Variants in MTOR observed in about 807,000 individuals in gnomAD.
MTOR encodes serine/threonine-protein kinase mTOR.
A neutral mutation model predicts 319.8 loss-of-function variants in MTOR; 70 were observed. The observed-to-expected ratio is 0.22, with a 90% CI of 0.18 to 0.27. The LOEUF (loss-of-function observed/expected upper bound fraction) is 0.27. MTOR is among the 10% of genes least tolerant of loss of function. MTOR has a pLI of 1.00. For missense variants in MTOR, 1,890 were observed against 3,274.4 expected, an observed-to-expected ratio of 0.58 and a Z score of 10.32; for synonymous variants, 1,183 against 1,211.4, an observed-to-expected ratio of 0.98 and a Z score of 0.49.
rs1001716494 is a variant in MTOR, at chr1:11,115,747, G to A, written c.7017-279C>T. 2.7e-6 allele frequency: 1 copy of A among 370,302 alleles called. No homozygotes were observed. The highest frequency in any genetic ancestry group is 5.0e-6 in the Non-Finnish European group (1 of 198,398). 22.9% of individuals were successfully genotyped at this position (370,302 alleles called of 1,614,324 possible). On this transcript the variant is annotated intron_variant, in intron 50 of 57. Transcript: ENST00000361445. This position sits in a 1 kb window ranked among gnomAD's most constrained non-coding sequence, Gnocchi z 4.5. Reference sequence around the variant, plus strand: ...AAAGCCTAAAACGACCTATTAACTGGTCCTTTACAGAAACAGTTTGCCAAC... The same window carrying A: ...AAAGCCTAAAACGACCTATTAACTGATCCTTTACAGAAACAGTTTGCCAAC...
rs1650369741 is a variant in MTOR, at chr1:11,256,181, G to A, written c.516C>T (p.Leu172=). 1.2e-6 allele frequency: 2 copies of A among 1,613,816 alleles called. No homozygotes were observed. The highest frequency in any genetic ancestry group is 1.7e-6 in the Non-Finnish European group (2 of 1,179,888). The part of the protein sequence containing the change: ...EGRRHAAVLV[L]RELAISVPTF... Reference sequence around the variant, plus strand: ...TAGGGACGCTGATGGCCAGCTCACGGAGAACCAGGACCTGGAGAAAAAAGC... The same window carrying A: ...TAGGGACGCTGATGGCCAGCTCACGAAGAACCAGGACCTGGAGAAAAAAGC... Residue 172 remains leucine, a synonymous_variant, in exon 5 of 58, where the codon CTC becomes CTT. Coordinates refer to ENST00000361445, the MANE Select transcript of MTOR (RefSeq NM_004958.4).
In MTOR at chr1:11,256,908, T is replaced by C. The variant is rs150333528; in HGVS notation, c.504+25A>G. On this transcript the variant is annotated intron_variant, in intron 4 of 57. Transcript: ENST00000361445. ...GACACCATCGTTCCCCAAGCCTGGCTGTGCTCCTCCCTGTAGACACTCACA... is the reference window on the plus strand; with the variant it reads ...GACACCATCGTTCCCCAAGCCTGGCCGTGCTCCTCCCTGTAGACACTCACA... 5.0e-5 allele frequency: 80 copies of C among 1,605,760 alleles called. No homozygotes were observed. The Middle Eastern group carries it at 6.6e-4, about 13-fold the overall frequency.
At chr1:11,216,089 G>T in intron 20 of MTOR, 59 bp downstream of exon 20, 1 of 1,238,924 alleles carries the variant, frequency 8.1e-7, no homozygotes, top group Non-Finnish European at 1.2e-6. Context: ...ATTCAAACTT[G>T]CTTCTGAGCC....
At chr1:11,141,570 T>C (rs1210834092) in intron 34 of MTOR, among the ~76,000 whole-genome samples, 1 of 151,916 alleles carries the variant, frequency 6.6e-6, no homozygotes, top group East Asian at 2.0e-4. Flanking sequence ...GGTTTTGCTA[T>C]GTTGGCCAGC....
chr1:11,236,438 C>T (rs899122474), intron 13 of MTOR, among the ~76,000 whole-genome samples: 13 of 151,580 alleles, frequency 8.6e-5, no homozygotes, highest in South Asian at 4.2e-4. Context: ...TGCACTCAGC[C>T]GTTTAGGAGA....
Position 11,172,817 on chromosome 1 carries a change from G to A in MTOR, c.4254-5300C>T, listed in dbSNP as rs780818564. On this transcript the variant is annotated intron_variant, in intron 28 of 57. Transcript: ENST00000361445. The stretch of plus-strand genomic sequence containing the variant: ...CCAGGAGGTGGAGGTTGCTGAGATC[G>A]CACCACTGCACTCCAGCCTGAGCGA... Among the ~76,000 whole-genome samples, 7 of 142,760 alleles carry A rather than the reference G, an allele frequency of 4.9e-5. No individual in the cohort carries two copies. The East Asian group carries it at 8.4e-4, about 17-fold the overall frequency. 93.7% of individuals were successfully genotyped at this position (142,760 alleles called of 152,430 possible). A position where few individuals can be genotyped will look rare whatever the true frequency, so the allele number is the denominator to read the frequency against.
chr1:11,187,852 CT>C (rs1457758487), intron 28 of MTOR, among the ~76,000 whole-genome samples: 1 of 152,152 alleles, frequency 6.6e-6, no homozygotes, highest in East Asian at 1.9e-4. Flanking sequence ...TCAACAGAAT[CT>C]TTTGATTAGA....
At chr1:11,189,667 T>A (rs149433721) in intron 28 of MTOR, 401 of 1,614,062 alleles carry the variant, frequency 2.5e-4, no homozygotes, top group Non-Finnish European at 3.2e-4. Context: ...GCAGAAGCTC[T>A]CTAAGCACAA....
chr1:11,108,912 T>C (rs1453108845), intron 56 of MTOR, among the ~76,000 whole-genome samples: 1 of 151,762 alleles, frequency 6.6e-6, no homozygotes, highest in Non-Finnish European at 1.5e-5. Flanking sequence ...TGTTTGAACC[T>C]GGGAGGCAGA....
rs924474533 is a variant in MTOR at position 11,231,440 on chromosome 1, T to C, written c.2515-6A>G. On this transcript the variant is annotated splice_polypyrimidine_tract_variant and splice_region_variant and intron_variant, in intron 16 of 57. Coordinates refer to ENST00000361445, the MANE Select transcript of MTOR (RefSeq NM_004958.4). ...CCCAGGGTCCACAGAGCCACCTGGA[T>C]AGGCACAAGAACACGATTCAATGAG... The C allele has an allele frequency of 3.1e-6, 5 of 1,613,774 alleles. No homozygotes were observed. The highest frequency in any genetic ancestry group is 3.3e-5 in the Admixed American group (2 of 59,972).
rs1185099353 is a variant in MTOR at position 11,199,445 on chromosome 1, T to A, written c.4108-42A>T. 2.5e-6 allele frequency: 4 copies of A among 1,614,056 alleles called. No individual in the cohort carries two copies. The highest frequency in any genetic ancestry group is 3.3e-4 in the Middle Eastern group (2 of 6,062). On this transcript the variant is annotated intron_variant, in intron 27 of 57. Transcript: ENST00000361445. The surrounding 1 kb of genome is among the most constrained non-coding windows in gnomAD (Gnocchi z 4.5). ...CCTCACAGCACAGGAAAATGGCAGA[T>A]GGGGCACAAACAAGAGAAGGCTGTG...
rs146945522 is a variant in MTOR at position 11,107,042 on chromosome 1, G to C, written c.*443C>G. ...GGTCAGCATCTTCTGTGTCTTTACA[G>C]TCTAGGATCCTAATCCATGTTCTCC... is the stretch of plus-strand genomic sequence containing the variant. On this transcript the variant is annotated 3_prime_UTR_variant, in exon 58 of 58. Transcript: ENST00000361445. The C allele has an allele frequency of 2.2e-6, 3 of 1,371,514 alleles. No homozygotes were observed. Among genetic ancestry groups the C allele is most frequent in the Non-Finnish European group, 2.9e-6 (3 of 1,039,444 alleles). The allele number at this position is 1,371,514 out of a possible 1,614,324, so 85.0% of individuals were successfully genotyped here.
rs1306293535 is a variant in MTOR at position 11,122,226 on chromosome 1, CAG to C, written c.6663-102_6663-101del. The stretch of plus-strand genomic sequence containing the variant: ...ACTGTTTTTTTTTTCTTTTTTGAGA[CAG>C]AGTCTTGCTCTGTTGCCCAGGCTGG... On this transcript the variant is annotated intron_variant, in intron 47 of 57. Coordinates refer to ENST00000361445, the MANE Select transcript of MTOR (RefSeq NM_004958.4). 4.4e-5 allele frequency: 63 copies of C among 1,438,410 alleles called. No homozygotes were observed. In the Admixed American group the frequency reaches 8.4e-4, roughly 19 times the overall value. The allele number at this position is 1,438,410 out of a possible 1,614,324, so 89.1% of individuals were successfully genotyped here.
chr1:11,150,690 G>A (rs931248333), intron 30 of MTOR, among the ~76,000 whole-genome samples: 2 of 152,194 alleles, frequency 1.3e-5, no homozygotes, highest in African/African-American at 4.8e-5. Context: ...AAATCAATCT[G>A]TACAGAAGAA....
rs2100744765 is a variant in MTOR, at chr1:11,199,441, C to T, written c.4108-38G>A. ...AAAACCTCACAGCACAGGAAAATGG[C>T]AGATGGGGCACAAACAAGAGAAGGC... On this transcript the variant is annotated intron_variant, in intron 27 of 57. Coordinates refer to ENST00000361445, the MANE Select transcript of MTOR (RefSeq NM_004958.4). This position sits in a 1 kb window ranked among gnomAD's most constrained non-coding sequence, Gnocchi z 4.5. 1 of 1,614,094 alleles carries T rather than the reference C, an allele frequency of 6.2e-7. No homozygotes were observed.
At chr1:11,159,854 C>T (rs1301960336) in intron 29 of MTOR, among the ~76,000 whole-genome samples, 2 of 152,058 alleles carry the variant, frequency 1.3e-5, no homozygotes, top group East Asian at 3.9e-4. Context: ...GGTTCCTCAT[C>T]AAATATATGG....
chr1:11,122,169 G>GTA, intron 47 of MTOR, 43 bp from the exon 48 acceptor site: 3 of 1,610,806 alleles, frequency 1.9e-6, no homozygotes, highest in Non-Finnish European at 2.5e-6. Flanking sequence ...CGTAAAGAGA[G>GTA]TATACCCTTG....
At chr1:11,209,661 T>C (rs757580006) in intron 24 of MTOR, among the ~76,000 whole-genome samples, 1 of 152,204 alleles carries the variant, frequency 6.6e-6, no homozygotes, top group Non-Finnish European at 1.5e-5. Context: ...TCCTAGTTAC[T>C]GACAAGCACT....
At position 11,258,488 on chromosome 1, in the gene MTOR, T is replaced by C; in HGVS notation, c.268A>G (p.Ile90Val). 6.2e-7 allele frequency: 1 copy of C among 1,611,672 alleles called. No homozygotes were observed. Among genetic ancestry groups the C allele is most frequent in the Non-Finnish European group, 8.5e-7 (1 of 1,177,964 alleles). The change falls in exon 3 of 58, where the codon ATA (isoleucine) becomes GTA (valine). Residue 90 changes from isoleucine (I) to valine (V), a missense_variant. Physicochemically the swap from Ile to Val is conservative, Grantham distance 29 (BLOSUM62 3). This residue lies in a region of MTOR where 81 missense variants were observed against 203.6 expected (regional missense o/e 0.40). Transcript: ENST00000361445. The part of the protein sequence containing the change: ...ANERKGGILA[I>V]ASLIGVEGGN... The stretch of plus-strand genomic sequence containing the variant: ...TGACCAGAGACTCTGTCCTTACCTA[T>C]GGCCAAGATGCCACCTTTCCTCTCA...
Sources: allele counts gnomAD v4.1 joint callset (sites outside exome capture counted in the v4.1 genomes callset), GRCh38; gene constraint gnomAD v4.1.1; regional missense constraint gnomAD v4.1.1; non-coding constraint Gnocchi (gnomAD v3.1); transcripts MANE v1.5; gene names NCBI Gene and HGNC (gene_info 2026-07-23, HGNC 2026-07-21).